CSMD3: variants seen among roughly 807,000 people sequenced by gnomAD.
The protein encoded by CSMD3 is CUB and sushi domain-containing protein 3.
In CSMD3, 177 loss-of-function variants were observed where a neutral mutation model predicts 435.2. The ratio of observed to expected loss-of-function variants is 0.41; its 90% CI spans 0.36 to 0.46. CSMD3 has a LOEUF of 0.46. Among genes scored for constraint, CSMD3 ranks in the 20% least tolerant of loss-of-function variants. The pLI is 0.34. For missense variants in CSMD3, 4,265 were observed against 4,504.6 expected (o/e 0.95, Z 1.52); for synonymous variants, 1,656 against 1,520.5 (o/e 1.09, Z -2.07).
intron 13 of CSMD3, among the ~76,000 whole-genome samples, chr8:112,750,501 A>T (rs571824479): frequency 6.6e-6 from 1 of 152,214 alleles, no homozygotes; most frequent in Non-Finnish European, 1.5e-5. Flanking sequence ...AAAATAATGC[A>T]GAAAAGAAGG....
At chr8:113,071,473 C>A (rs910300361) in intron 5 of CSMD3, among the ~76,000 whole-genome samples, 2 of 151,864 alleles carry the variant, frequency 1.3e-5, no homozygotes, top group Non-Finnish European at 2.9e-5. Context: ...GTCTTTAATA[C>A]ATTTTGAGTT....
chr8:113,177,103 T>C (rs2092357756), intron 3 of CSMD3, among the ~76,000 whole-genome samples: 1 of 151,690 alleles, frequency 6.6e-6, no homozygotes, highest in Admixed American at 6.6e-5. Context: ...AAATACAGAT[T>C]TATAAGTGAA....
At chr8:112,728,610 C>T (rs56020668) in intron 13 of CSMD3, among the ~76,000 whole-genome samples, 17,300 of 151,878 alleles carry the variant, frequency 0.11, 1,322 homozygotes, top group Non-Finnish European at 0.17. Flanking sequence ...CAAGCCCCTT[C>T]TTCTCCTCCT....
chr8:112,363,322 C>T (rs1827435683), intron 38 of CSMD3, among the ~76,000 whole-genome samples: 1 of 151,858 alleles, frequency 6.6e-6, no homozygotes, highest in Admixed American at 6.6e-5. Context: ...TGAGGATGTC[C>T]ATTTGTATTT....
chr8:112,681,898 T>C (rs2075904700), intron 16 of CSMD3, among the ~76,000 whole-genome samples: 2 of 152,024 alleles, frequency 1.3e-5, no homozygotes, highest in African/African-American at 4.8e-5. Context: ...ATCATACATA[T>C]ATATCACACA....
At chr8:112,424,769 G>T (rs1404480809) in intron 32 of CSMD3, among the ~76,000 whole-genome samples, 1 of 152,026 alleles carries the variant, frequency 6.6e-6, no homozygotes, top group African/African-American at 2.4e-5. Context: ...TCGGCTCACT[G>T]CAACCTCCAC....
chr8:113,355,795 T>TG (rs66729311), intron 1 of CSMD3, among the ~76,000 whole-genome samples: 2,462 of 117,732 alleles, frequency 0.021, 117 homozygotes, highest in East Asian at 0.055. Context: ...GTGTGTGTGT[T>TG]TGTCAACTAT....
intron 32 of CSMD3, among the ~76,000 whole-genome samples, chr8:112,447,885 A>C (rs1815797111): frequency 6.6e-6 from 1 of 152,130 alleles, no homozygotes; most frequent in Non-Finnish European, 1.5e-5. Context: ...CAATAATATA[A>C]TCTTCTGGAG....
intron 2 of CSMD3, among the ~76,000 whole-genome samples, chr8:113,307,678 C>G (rs544165158): frequency 6.6e-6 from 1 of 151,978 alleles, no homozygotes; most frequent in Admixed American, 6.6e-5. Context: ...TTTGATACAT[C>G]AAGACTAAGC....
intron 13 of CSMD3, among the ~76,000 whole-genome samples, chr8:112,789,208 G>C (rs988883448): frequency 3.9e-5 from 6 of 152,108 alleles, no homozygotes; most frequent in Admixed American, 3.3e-4. Context: ...CAAGTTCTGA[G>C]AGAGAGTGTC....
In CSMD3 at chr8:113,095,064, C is replaced by A. The variant is rs138592863; in HGVS notation, c.917+3692G>T. 2.1e-4 allele frequency among the ~76,000 whole-genome samples: 32 copies of A among 151,442 alleles called. No individual in the cohort carries two copies. The East Asian group carries it at 6.2e-3, about 29-fold the overall frequency. ...CCAGCCTGGGTGACAGAGTGAGACTCCATCTCAGAAAAAAAAAAAATCACA... is the reference window on the plus strand; with the variant it reads ...CCAGCCTGGGTGACAGAGTGAGACTACATCTCAGAAAAAAAAAAAATCACA... On this transcript the variant is annotated intron_variant, in intron 5 of 70. Coordinates refer to ENST00000297405, the MANE Select transcript of CSMD3 (RefSeq NM_198123.2).
At chr8:112,357,935 T>C (rs539733873) in intron 38 of CSMD3, among the ~76,000 whole-genome samples, 2 of 152,062 alleles carry the variant, frequency 1.3e-5, no homozygotes, top group Admixed American at 1.3e-4. Context: ...AAGGCCACCA[T>C]CCTCCAGACC....
chr8:113,426,933 T>C (rs1436702389), intron 1 of CSMD3, among the ~76,000 whole-genome samples: 1 of 151,524 alleles, frequency 6.6e-6, no homozygotes, highest in Admixed American at 6.6e-5. Flanking sequence ...TGTAAGATCA[T>C]ATATCAAAAC....
intron 11 of CSMD3, among the ~76,000 whole-genome samples, chr8:112,830,445 A>G (rs1051860545): frequency 2.6e-5 from 4 of 152,178 alleles, no homozygotes; most frequent in Non-Finnish European, 5.9e-5. Flanking sequence ...TCATGTATCC[A>G]TATATTGTTT....
At chr8:112,320,272 T>C (rs1822870319) in intron 45 of CSMD3, among the ~76,000 whole-genome samples, 1 of 152,128 alleles carries the variant, frequency 6.6e-6, no homozygotes, top group African/African-American at 2.4e-5. Context: ...GATCACAATT[T>C]GGAATTACGT....
At chr8:112,525,967 A>C (rs1824911537) in intron 27 of CSMD3, among the ~76,000 whole-genome samples, 1 of 144,968 alleles carries the variant, frequency 6.9e-6, no homozygotes, top group Admixed American at 6.9e-5. Flanking sequence ...AAGGCATACT[A>C]AAATACTAAA....
intron 11 of CSMD3, among the ~76,000 whole-genome samples, chr8:112,858,711 T>G (rs1007298367): frequency 7.9e-5 from 12 of 151,870 alleles, no homozygotes; most frequent in African/African-American, 2.7e-4. Context: ...CAGAGCACAT[T>G]AAACCAACTA....
At chr8:113,266,158 T>G (rs555673938) in intron 3 of CSMD3, among the ~76,000 whole-genome samples, 1 of 144,072 alleles carries the variant, frequency 6.9e-6, no homozygotes, top group African/African-American at 2.6e-5. Flanking sequence ...TAAAGCTTAG[T>G]AGTTGAAAAT....
rs1587905361 is a variant in CSMD3 at position 113,021,397 on chromosome 8, A to T, written c.918-2218T>A. On this transcript the variant is annotated intron_variant, in intron 5 of 70. Transcript: ENST00000297405. ...GTAGCATAGTTCATGCCAGATTTTG[A>T]TTTACAATTTGGTTTTGTTCAATTC... Among the ~76,000 whole-genome samples, 3 of 152,182 alleles carry T rather than the reference A, an allele frequency of 2.0e-5. No individual in the cohort carries two copies. In the South Asian group the frequency reaches 6.2e-4, roughly 31 times the overall value.
Sources: gnomAD v4.1 joint callset for allele counts (sites outside exome capture counted in the v4.1 genomes callset) on GRCh38, gnomAD v4.1.1 for gene constraint, MANE v1.5 for transcripts, NCBI Gene and HGNC (gene_info 2026-07-23, HGNC 2026-07-21) for gene names.